The following ZNF687 variants were observed in gnomAD, a reference collection of about 807,000 sequenced individuals.
ZNF687 encodes zinc finger protein 687.
ZNF687 carries 13 observed loss-of-function variants against 71.8 expected under a neutral mutation model. That is an observed-to-expected ratio of 0.18 (90% confidence interval 0.12 to 0.29). The LOEUF is 0.29. Among genes scored for constraint, ZNF687 ranks in the 10% least tolerant of loss-of-function variants. The probability of loss-of-function intolerance (pLI) is 1.00; values close to 1 mark genes in which losing one functional copy is unlikely to be tolerated. For synonymous variants in ZNF687, 673 were observed against 641.6 expected (o/e 1.05, Z -0.74); for missense variants, 1,412 against 1,625.6 (o/e 0.87, Z 2.26).
intron 1 of ZNF687, chr1:151,284,136 A>G (rs947443766): frequency 1.0e-6 from 1 of 985,222 alleles, no homozygotes; most frequent in Non-Finnish European, 1.2e-6. Context: ...CTGTTGCCAC[A>G]GGAAAATGGA....
At position 151,286,785 on chromosome 1, in the gene ZNF687, A is replaced by G. The variant is rs755863216; in HGVS notation, c.494A>G (p.His165Arg). 6.2e-7 allele frequency: 1 copy of G among 1,614,172 alleles called. No individual in the cohort carries two copies. The highest frequency in any genetic ancestry group is 1.1e-5 in the South Asian group (1 of 91,090). The stretch of plus-strand genomic sequence containing the variant: ...AAAACTCCCTTGGACCTGTTTGCTC[A>G]TTTTGGCCCTGAGCCAGGGGACCAC... The part of the protein sequence containing the change: ...EGKTPLDLFA[H>R]FGPEPGDHSD... Residue 165 changes from histidine to arginine, a missense_variant, in exon 2 of 9, where the codon CAT (histidine) becomes CGT (arginine). His to Arg is a conservative substitution (Grantham distance 29). Around this residue, in one of 8 missense-constraint regions of ZNF687, gnomAD observed 490 missense variants for 489.9 expected, o/e 1.00. Transcript: ENST00000336715.
rs1047692234 is a variant in ZNF687 at position 151,289,681 on chromosome 1, A to G, written c.2638A>G (p.Thr880Ala). The G allele has an allele frequency of 6.4e-7, 1 of 1,572,330 alleles. No individual in the cohort carries two copies. Among genetic ancestry groups the G allele is most frequent in the Non-Finnish European group, 8.6e-7 (1 of 1,156,854 alleles). ...KRTMLEHLKNTHQSGRLEETA... is the reference protein window; with the variant it reads ...KRTMLEHLKNAHQSGRLEETA... ...CCTCCCTTGTCTCCTCTCACAGAACACCCATCAGTCTGGGCGCTTGGAGGA... is the reference window on the plus strand; with the variant it reads ...CCTCCCTTGTCTCCTCTCACAGAACGCCCATCAGTCTGGGCGCTTGGAGGA... The change falls in exon 6 of 9, where the codon ACC (threonine) becomes GCC (alanine). Residue 880 changes from threonine to alanine, a missense_variant. Coordinates refer to ENST00000336715, the MANE Select transcript of ZNF687 (RefSeq NM_020832.3).
At position 151,286,859 on chromosome 1, in the gene ZNF687, C is replaced by T. The variant is rs1208093002; in HGVS notation, c.568C>T (p.Leu190=). ...ACCCTCTCCCACTCGGGAGGGGGCT[C>T]TGACCCCGCCTCCTTTCCCCTCTTC... The part of the protein sequence containing the change: ...SAPSPTREGA[L]TPPPFPSSFE... Residue 190 remains leucine (L), a synonymous_variant, in exon 2 of 9, where the codon CTG becomes TTG. Transcript: ENST00000336715. 6.2e-7 allele frequency: 1 copy of T among 1,613,672 alleles called. No individual in the cohort carries two copies. Among genetic ancestry groups the T allele is most frequent in the Admixed American group, 1.7e-5 (1 of 59,974 alleles).
chr1:151,282,445 G>GGGGC, intron 1 of ZNF687, 50 bp downstream of exon 1: 1 of 983,820 alleles, frequency 1.0e-6, no homozygotes, highest in Non-Finnish European at 1.2e-6. Flanking sequence ...CCCCTTGGGG[G>GGGGC]GGGCGGGTAA....
rs1024811123 is a variant in ZNF687 at position 151,291,376 on chromosome 1, A to C, written c.*167A>C. On this transcript the variant is annotated 3_prime_UTR_variant, in exon 9 of 9. Coordinates refer to ENST00000336715, the MANE Select transcript of ZNF687 (RefSeq NM_020832.3). Reference sequence around the variant, plus strand: ...TTGAGGATTATTCTAGTTATTTGCAACCTCCCTTTGGGTTTGGCCCTGGAG... The same window carrying C: ...TTGAGGATTATTCTAGTTATTTGCACCCTCCCTTTGGGTTTGGCCCTGGAG... The C allele has an allele frequency of 1.0e-6, 1 of 978,898 alleles. No individual in the cohort carries two copies. The highest frequency in any genetic ancestry group is 1.4e-6 in the Non-Finnish European group (1 of 691,686). The allele number at this position is 978,898 out of a possible 1,614,324, so 60.6% of individuals were successfully genotyped here. A position where few individuals can be genotyped will look rare whatever the true frequency, so the allele number is the denominator to read the frequency against.
chr1:151,289,674 A>ACAGAACACC lies in ZNF687; in HGVS notation c.2635-1_2642dup. On this transcript the variant is annotated splice_region_variant and splice_polypyrimidine_tract_variant and intron_variant, in intron 5 of 8. Coordinates refer to ENST00000336715, the MANE Select transcript of ZNF687 (RefSeq NM_020832.3). Reference sequence around the variant, plus strand: ...ACAGCAACCTCCCTTGTCTCCTCTCACAGAACACCCATCAGTCTGGGCGCT... The same window carrying ACAGAACACC: ...ACAGCAACCTCCCTTGTCTCCTCTCACAGAACACCCAGAACACCCATCAGTCTGGGCGCT... 6.3e-7 allele frequency: 1 copy of ACAGAACACC among 1,576,974 alleles called. No individual in the cohort carries two copies. Among genetic ancestry groups the ACAGAACACC allele is most frequent in the South Asian group, 1.1e-5 (1 of 87,922 alleles).
intron 1 of ZNF687, chr1:151,284,008 C>T (rs1324058139): frequency 4.5e-5 from 44 of 985,324 alleles, no homozygotes; most frequent in Non-Finnish European, 5.1e-5. Flanking sequence ...AGACCTGGGT[C>T]TCCCACAAAC....
At chr1:151,283,523 C>A (rs2101858938) in intron 1 of ZNF687, among the ~76,000 whole-genome samples, 1 of 150,748 alleles carries the variant, frequency 6.6e-6, no homozygotes, top group Admixed American at 6.6e-5. Context: ...GGGTGGCCAT[C>A]GGATGACCTC....
In ZNF687 at chr1:151,289,870, C is replaced by T. The variant is rs371340365; in HGVS notation, c.2827C>T (p.Arg943Trp). 1.5e-4 allele frequency: 241 copies of T among 1,563,950 alleles called. No homozygotes were observed. Among genetic ancestry groups the T allele is most frequent in the Non-Finnish European group, 1.5e-4 (176 of 1,153,454 alleles). Residue 943 changes from arginine (R) to tryptophan (W), a missense_variant, in exon 6 of 9, where the codon CGG (arginine) becomes TGG (tryptophan). Transcript: ENST00000336715. ...CCCTGAGCCCCCCCGTCCAGCCAAA[C>T]GGCCTCGGCGGGAACTAGGGAGCAA... Reference protein sequence around the residue: ...SSPEPPRPAKRPRRELGSKGL... With the variant: ...SSPEPPRPAKWPRRELGSKGL...
chr1:151,290,613 G>A, intron 8 of ZNF687, 40 bp downstream of exon 8: 2 of 1,595,694 alleles, frequency 1.3e-6, no homozygotes, highest in East Asian at 2.2e-5. Context: ...GGCTTTGAGT[G>A]GGAAACTGGA....
rs761609906 is a variant in ZNF687, at chr1:151,290,138, CCT to C, written c.2982_2983del (p.Cys995SerfsTer4). 11 of 1,614,020 alleles carry C rather than the reference CCT, an allele frequency of 6.8e-6. No homozygotes were observed. Among genetic ancestry groups the C allele is most frequent in the South Asian group, 3.3e-5 (3 of 91,090 alleles). ...CTCTCCTAGTCAGTGAAAAAGTTCC[CCT>C]GTCGCCTGTGTGAGCGCTCCTTCTG... is the stretch of plus-strand genomic sequence containing the variant. On this transcript the variant is annotated frameshift_variant, in exon 7 of 9. Transcript: ENST00000336715. LOFTEE classifies it high-confidence loss of function.
Position 151,288,254 on chromosome 1 carries a change from C to T in ZNF687, c.1963C>T (p.Leu655=). Residue 655 remains leucine (L), a synonymous_variant, in exon 2 of 9, where the codon CTG becomes TTG. Coordinates refer to ENST00000336715, the MANE Select transcript of ZNF687 (RefSeq NM_020832.3). ...TACAGTTGCTGCTGAGGCCCCTGTC[C>T]TGCCGCTCTCCACAGAGCCGCCTGC... The part of the protein sequence containing the change: ...ITTVAAEAPV[L]PLSTEPPAAP... 2 of 1,613,722 alleles carry T rather than the reference C, an allele frequency of 1.2e-6. No homozygotes were observed. The highest frequency in any genetic ancestry group is 1.7e-6 in the Non-Finnish European group (2 of 1,179,984).
At position 151,286,966 on chromosome 1, in the gene ZNF687, C is replaced by T. The variant is rs138073338; in HGVS notation, c.675C>T (p.Ser225=). ...CATTGGGGGCCTTGAAGCAGGAGAG[C>T]TGCAGCCCCCATCATCCCCAGGTCC... The part of the protein sequence containing the change: ...SPPLGALKQE[S]CSPHHPQVLA... Residue 225 remains serine (S), a synonymous_variant, in exon 2 of 9, where the codon AGC becomes AGT. Transcript: ENST00000336715. The T allele has an allele frequency of 7.5e-6, 12 of 1,607,066 alleles. No homozygotes were observed. The highest frequency in any genetic ancestry group is 1.7e-4 in the Middle Eastern group (1 of 6,018).
At chr1:151,282,861 C>G (rs989438951) in intron 1 of ZNF687, among the ~76,000 whole-genome samples, 8 of 152,254 alleles carry the variant, frequency 5.3e-5, no homozygotes, top group Non-Finnish European at 1.0e-4. Context: ...AGTCTCCAGT[C>G]TCTAGCGAGC....
chr1:151,291,287 G>A lies in ZNF687; in HGVS notation c.*78G>A. 6.7e-7 allele frequency: 1 copy of A among 1,496,896 alleles called. No individual in the cohort carries two copies. Among genetic ancestry groups the A allele is most frequent in the Non-Finnish European group, 8.9e-7 (1 of 1,120,828 alleles). The allele number at this position is 1,496,896 out of a possible 1,614,324, so 92.7% of individuals were successfully genotyped here. A position where few individuals can be genotyped will look rare whatever the true frequency, so the allele number is the denominator to read the frequency against. ...TACTGCTGCCTGATCCCTCGGCTGG[G>A]GAGTTTTCATTAACATTAATATTTT... On this transcript the variant is annotated 3_prime_UTR_variant, in exon 9 of 9. Coordinates refer to ENST00000336715, the MANE Select transcript of ZNF687 (RefSeq NM_020832.3).
At chr1:151,289,062 A>T (rs1694080954) in intron 3 of ZNF687, 33 bp from the exon 4 acceptor site, 1 of 1,607,124 alleles carries the variant, frequency 6.2e-7, no homozygotes, top group Non-Finnish European at 8.5e-7. Context: ...GATGCCTCCC[A>T]CCTCACCACA....
chr1:151,283,245 C>A, intron 1 of ZNF687: 1 of 985,438 alleles, frequency 1.0e-6, no homozygotes, highest in Non-Finnish European at 1.2e-6. Flanking sequence ...CGTCTGCTAC[C>A]CAGCTTGGCC....
intron 5 of ZNF687, 41 bp downstream of exon 5, chr1:151,289,581 C>T: frequency 6.2e-7 from 1 of 1,613,260 alleles, no homozygotes; most frequent in Non-Finnish European, 8.5e-7. Context: ...CTTAGCTGTA[C>T]TGACCTGGGG....
In ZNF687 at chr1:151,288,041, G is replaced by A. The variant is rs1694030681; in HGVS notation, c.1750G>A (p.Glu584Lys). The A allele has an allele frequency of 2.5e-6, 4 of 1,614,114 alleles. No individual in the cohort carries two copies. The highest frequency in any genetic ancestry group is 3.4e-6 in the Non-Finnish European group (4 of 1,180,046). The change falls in exon 2 of 9, where the codon GAA becomes AAA. Residue 584 changes from glutamate (E) to lysine (K), a missense_variant. Glu to Lys is a moderately conservative substitution (Grantham distance 56). Transcript: ENST00000336715. Reference protein sequence around the residue: ...NKCSLLLHAREHKDKGLVMQC... With the variant: ...NKCSLLLHARKHKDKGLVMQC... ...GTGCAGCCTGCTCCTGCATGCACGT[G>A]AACACAAGGACAAGGGGCTCGTCAT...
Sources: gnomAD v4.1 joint callset for allele counts (sites outside exome capture counted in the v4.1 genomes callset) on GRCh38, gnomAD v4.1.1 for gene constraint, gnomAD v4.1.1 regional missense constraint, MANE v1.5 for transcripts, NCBI Gene and HGNC (gene_info 2026-07-23, HGNC 2026-07-21) for gene names.